Variants in PRKCB observed in about 807,000 individuals in gnomAD.
The protein encoded by PRKCB is protein kinase C beta.
A neutral mutation model predicts 81.5 loss-of-function variants in PRKCB; 13 were observed. That is an observed-to-expected ratio of 0.16 (90% CI 0.10 to 0.25). PRKCB has a LOEUF of 0.25. Among genes scored for constraint, PRKCB ranks in the 10% least tolerant of loss-of-function variants. PRKCB has a pLI of 1.00. For missense variants in PRKCB, 509 were observed against 875.7 expected (o/e 0.58, Z 5.29); for synonymous variants, 335 against 321.4 (o/e 1.04, Z -0.45).
At chr16:24,212,612 G>T (rs970341654) in intron 16 of PRKCB, among the ~76,000 whole-genome samples, 1 of 151,858 alleles carries the variant, frequency 6.6e-6, no homozygotes, top group African/African-American at 2.4e-5. Flanking sequence ...GAGTAGCTGG[G>T]ACTACAGGCA....
intron 2 of PRKCB, among the ~76,000 whole-genome samples, chr16:23,969,624 C>T (rs1048334185): frequency 6.6e-6 from 1 of 152,188 alleles, no homozygotes; most frequent in Non-Finnish European, 1.5e-5. Flanking sequence ...GTGTCTAACA[C>T]ATAGTAGACA....
chr16:24,207,889 C>A (rs891202027), intron 16 of PRKCB, among the ~76,000 whole-genome samples: 2 of 152,180 alleles, frequency 1.3e-5, no homozygotes, highest in African/African-American at 2.4e-5. Flanking sequence ...CCTGGAGTCA[C>A]CTCCAAGAGT....
intron 3 of PRKCB, among the ~76,000 whole-genome samples, chr16:24,028,341 G>A (rs1003432297): frequency 5.3e-5 from 8 of 152,212 alleles, no homozygotes; most frequent in South Asian, 4.1e-4. Flanking sequence ...CACCCACCTC[G>A]GCTTCCCGAA....
At chr16:23,869,934 A>G (rs1962875799) in intron 2 of PRKCB, among the ~76,000 whole-genome samples, 1 of 152,110 alleles carries the variant, frequency 6.6e-6, no homozygotes, top group Non-Finnish European at 1.5e-5. Context: ...AAGCAGGAGA[A>G]TCGCTTAAAC....
At chr16:24,168,541 CTTTTTTTTTTTTTTT>C (rs56671761) in intron 10 of PRKCB, among the ~76,000 whole-genome samples, 14,545 of 76,792 alleles carry the variant, frequency 0.19, 1,132 homozygotes, top group East Asian at 0.36. Context: ...TCTTCTTCTA[CTTTTTTTTTTTTTTT>C]TTTTTTTTTT....
chr16:24,004,478 C>CAAAAAAAAAAA (rs71154264), intron 3 of PRKCB, among the ~76,000 whole-genome samples: 8 of 47,406 alleles, frequency 1.7e-4, no homozygotes, highest in Admixed American at 4.1e-4. Context: ...CAAGTCTCTA[C>CAAAAAAAAAAA]AAAAAAAAAA....
At chr16:23,840,571 T>C (rs1472476792) in intron 2 of PRKCB, among the ~76,000 whole-genome samples, 3 of 152,176 alleles carry the variant, frequency 2.0e-5, no homozygotes, top group Non-Finnish European at 4.4e-5. Context: ...ATGTAGTGTT[T>C]ATTTCAGGCA....
At chr16:23,945,158 A>G (rs952672861) in intron 2 of PRKCB, among the ~76,000 whole-genome samples, 1 of 152,174 alleles carries the variant, frequency 6.6e-6, no homozygotes, top group African/African-American at 2.4e-5. Flanking sequence ...TTTCATTTCA[A>G]TGATCAAAGT....
chr16:24,112,883 C>T (rs1044347262), intron 7 of PRKCB, 90 bp from the exon 8 acceptor site: 2 of 908,984 alleles, frequency 2.2e-6, no homozygotes, highest in Non-Finnish European at 3.4e-6. Flanking sequence ...TCAAGTAGAG[C>T]TTTATATAGG....
intron 2 of PRKCB, among the ~76,000 whole-genome samples, chr16:23,973,603 G>T (rs568198786): frequency 6.6e-6 from 1 of 152,300 alleles, no homozygotes; most frequent in South Asian, 2.1e-4. Flanking sequence ...TAAGTCAAAT[G>T]GGAACATACA....
intron 16 of PRKCB, among the ~76,000 whole-genome samples, chr16:24,205,177 G>T (rs1365396853): frequency 1.4e-5 from 2 of 141,540 alleles, no homozygotes; most frequent in Non-Finnish European, 3.0e-5. Flanking sequence ...TAGAGACAGG[G>T]TCTTACTCTG....
intron 2 of PRKCB, among the ~76,000 whole-genome samples, chr16:23,909,008 T>G (rs1411053208): frequency 6.6e-6 from 1 of 152,208 alleles, no homozygotes; most frequent in African/African-American, 2.4e-5. Context: ...GACACCAGCT[T>G]TGTGAAGGCA....
chr16:23,868,061 C>G (rs6497692), intron 2 of PRKCB, among the ~76,000 whole-genome samples: 2 of 151,858 alleles, frequency 1.3e-5, no homozygotes, highest in Non-Finnish European at 2.9e-5. Flanking sequence ...TGAAGATCTC[C>G]TTATACACTG....
intron 9 of PRKCB, among the ~76,000 whole-genome samples, chr16:24,132,423 T>G (rs1172157062): frequency 6.6e-6 from 1 of 152,244 alleles, no homozygotes; most frequent in East Asian, 1.9e-4. Context: ...ATTGAGCATC[T>G]ACTATATGCC....
At chr16:23,903,928 C>T (rs1963520596) in intron 2 of PRKCB, among the ~76,000 whole-genome samples, 1 of 152,190 alleles carries the variant, frequency 6.6e-6, no homozygotes, top group South Asian at 2.1e-4. Context: ...GACGCTGGCA[C>T]ACCATAGGCC....
chr16:24,132,416 G>A (rs1966854620), intron 9 of PRKCB, among the ~76,000 whole-genome samples: 1 of 152,198 alleles, frequency 6.6e-6, no homozygotes, highest in Admixed American at 6.5e-5. Flanking sequence ...AGTATTTATT[G>A]AGCATCTACT....
chr16:24,155,477 G>C (rs1055613590), intron 10 of PRKCB, among the ~76,000 whole-genome samples: 1 of 152,164 alleles, frequency 6.6e-6, no homozygotes, highest in African/African-American at 2.4e-5. Context: ...ACCTTTCCCT[G>C]TTCAAATTAG....
intron 2 of PRKCB, among the ~76,000 whole-genome samples, chr16:23,871,367 A>T (rs1052684098): frequency 6.6e-6 from 1 of 152,082 alleles, no homozygotes; most frequent in Non-Finnish European, 1.5e-5. Context: ...GAGACCGTGG[A>T]ATGAATGTGT....
At chr16:23,975,224 GC>G (rs773182209) in intron 2 of PRKCB, among the ~76,000 whole-genome samples, 4 of 152,158 alleles carry the variant, frequency 2.6e-5, no homozygotes, top group Non-Finnish European at 5.9e-5. Flanking sequence ...TGGGGATTAA[GC>G]TTTTTCCATT....
Sources: allele counts gnomAD v4.1 joint callset (sites outside exome capture counted in the v4.1 genomes callset), GRCh38; gene constraint gnomAD v4.1.1; transcripts MANE v1.5; gene names NCBI Gene and HGNC (gene_info 2026-07-23, HGNC 2026-07-21).